The following SIRT5 variants were observed in gnomAD, a reference collection of about 807,000 sequenced individuals.
SIRT5 encodes sirtuin 5.
Under a neutral mutation model 40.0 loss-of-function variants are expected in SIRT5, and 26 were observed. The observed-to-expected ratio is 0.65, with a 90% CI of 0.48 to 0.90. SIRT5 has a LOEUF of 0.90. Among genes scored for constraint, SIRT5 ranks in the 40% least tolerant of loss-of-function variants. SIRT5 has a pLI of 0.00. For synonymous variants in SIRT5, 146 were observed against 149.1 expected (o/e 0.98, Z 0.15); for missense variants, 401 against 402.4 (o/e 1.00, Z 0.03).
chr6:13,575,841 A>T (rs1758556338), intron 1 of SIRT5, among the ~76,000 whole-genome samples: 1 of 152,150 alleles, frequency 6.6e-6, no homozygotes, highest in South Asian at 2.1e-4. Context: ...GGTAACCATC[A>T]TTCTACTCTG....
rs1763255323 is a variant in SIRT5 at position 13,607,398 on chromosome 6, C to T, written c.858-4392C>T. On this transcript the variant is annotated intron_variant, in intron 9 of 9. Coordinates refer to ENST00000606117, the MANE Select transcript of SIRT5 (RefSeq NM_012241.5). The surrounding 1 kb of genome is among the most constrained non-coding windows in gnomAD (Gnocchi z 4.0). ...CTTCCCCCATCTTTTACACCTACAC[C>T]TAATTTAACCAAATTATATTTAGTG... Among the ~76,000 whole-genome samples, 1 of 152,076 alleles carries T rather than the reference C, an allele frequency of 6.6e-6. No individual in the cohort carries two copies. The highest frequency in any genetic ancestry group is 2.4e-5 in the African/African-American group (1 of 41,388).
At chr6:13,595,408 C>T in intron 5 of SIRT5, 69 bp from the exon 6 acceptor site, 1 of 1,189,194 alleles carries the variant, frequency 8.4e-7, no homozygotes, top group Non-Finnish European at 1.3e-6. Context: ...ATCTTATACC[C>T]TTTTAGACAT....
chr6:13,596,874 C>T, intron 6 of SIRT5, 89 bp from the exon 7 acceptor site: 1 of 1,059,542 alleles, frequency 9.4e-7, no homozygotes. Flanking sequence ...CCACATACTG[C>T]CAGGCAAATA....
At chr6:13,576,908 T>C (rs1381085844) in intron 1 of SIRT5, among the ~76,000 whole-genome samples, 1 of 152,236 alleles carries the variant, frequency 6.6e-6, no homozygotes, top group African/African-American at 2.4e-5. Flanking sequence ...AAAGAGACTT[T>C]CCTTTTCCCA....
At position 13,583,419 on chromosome 6, in the gene SIRT5, T is replaced by C. The variant is rs1283187967; in HGVS notation, c.-35-657T>C. Among the ~76,000 whole-genome samples, 4 of 151,164 alleles carry C rather than the reference T, an allele frequency of 2.6e-5. No individual in the cohort carries two copies. The East Asian group carries it at 7.8e-4, about 30-fold the overall frequency. The stretch of plus-strand genomic sequence containing the variant: ...AAGTAGTTCTCCTGCCTCAGTTTCC[T>C]GAGTAGCTGGGATTACAGGCATGCA... On this transcript the variant is annotated intron_variant, in intron 2 of 9. Transcript: ENST00000606117.
chr6:13,602,551 C>T (rs1762537567), intron 9 of SIRT5, among the ~76,000 whole-genome samples: 2 of 150,942 alleles, frequency 1.3e-5, no homozygotes, highest in Middle Eastern at 3.4e-3. Flanking sequence ...GACAGTGTGG[C>T]ACTGGCATAG....
At position 13,612,139 on chromosome 6, in the gene SIRT5, G is replaced by C; in HGVS notation, c.*274G>C. ...GATGTGTATGGTTGGTTATTGGGAG[G>C]GAAAAATTTTGTAAATTAGATTGTC... On this transcript the variant is annotated 3_prime_UTR_variant, in exon 10 of 10. Coordinates refer to ENST00000606117, the MANE Select transcript of SIRT5 (RefSeq NM_012241.5). The C allele has an allele frequency of 3.7e-6, 1 of 267,408 alleles. No homozygotes were observed. Among genetic ancestry groups the C allele is most frequent in the East Asian group, 6.7e-5 (1 of 14,992 alleles). 16.6% of individuals were successfully genotyped at this position (267,408 alleles called of 1,614,324 possible). A position where few individuals can be genotyped will look rare whatever the true frequency, so the allele number is the denominator to read the frequency against.
chr6:13,608,548 T>C (rs1197890292), intron 9 of SIRT5, among the ~76,000 whole-genome samples: 2 of 149,858 alleles, frequency 1.3e-5, no homozygotes, highest in Non-Finnish European at 3.0e-5. Flanking sequence ...ATCGTGCCAC[T>C]GCACTCCGGC....
Position 13,607,465 on chromosome 6 carries a change from A to G in SIRT5, c.858-4325A>G, listed in dbSNP as rs1763262344. On this transcript the variant is annotated intron_variant, in intron 9 of 9. Coordinates refer to ENST00000606117, the MANE Select transcript of SIRT5 (RefSeq NM_012241.5). The surrounding 1 kb of genome is among the most constrained non-coding windows in gnomAD (Gnocchi z 4.0). ...CCAAGCATTCAACTAGTTTTCCTAG[A>G]AATAACTCTCTTAACAGCTCTATTT... Among the ~76,000 whole-genome samples the G allele has an allele frequency of 6.6e-6, 1 of 152,210 alleles. No individual in the cohort carries two copies. The highest frequency in any genetic ancestry group is 2.4e-5 in the African/African-American group (1 of 41,458).
intron 9 of SIRT5, 22 bp from the exon 10 acceptor site, chr6:13,611,768 G>C: frequency 6.3e-7 from 1 of 1,575,114 alleles, no homozygotes; most frequent in Non-Finnish European, 8.7e-7. Flanking sequence ...CAAAACTGCT[G>C]TATTTGCTTC....
chr6:13,592,823 A>C (rs1761098870), intron 5 of SIRT5, among the ~76,000 whole-genome samples: 1 of 152,116 alleles, frequency 6.6e-6, no homozygotes, highest in Non-Finnish European at 1.5e-5. Context: ...GTTTCCCCCA[A>C]GGCCATTTGC....
At chr6:13,603,794 A>C (rs1762732001) in intron 9 of SIRT5, among the ~76,000 whole-genome samples, 1 of 152,264 alleles carries the variant, frequency 6.6e-6, no homozygotes, top group African/African-American at 2.4e-5. Flanking sequence ...GAAACAACCC[A>C]AACGTCCATC....
At chr6:13,589,641 G>C (rs9370232) in intron 4 of SIRT5, 28,842 of 152,322 alleles carry the variant, frequency 0.19, 2,953 homozygotes, top group East Asian at 0.43. Flanking sequence ...CAGATGTTTC[G>C]GTGTTTTGCC....
chr6:13,588,309 A>G, intron 3 of SIRT5, 22 bp from the exon 4 acceptor site: 1 of 1,609,692 alleles, frequency 6.2e-7, no homozygotes, highest in Non-Finnish European at 8.5e-7. Flanking sequence ...CACTGGATTG[A>G]TAAAGATTTC....
intron 9 of SIRT5, among the ~76,000 whole-genome samples, chr6:13,603,676 A>G (rs145368409): frequency 1.3e-4 from 20 of 152,376 alleles, no homozygotes; most frequent in African/African-American, 4.1e-4. Context: ...GGGTTACTAT[A>G]TGATCTAGCA....
At chr6:13,576,341 C>T (rs1562258496) in intron 1 of SIRT5, among the ~76,000 whole-genome samples, 1 of 152,130 alleles carries the variant, frequency 6.6e-6, no homozygotes, top group African/African-American at 2.4e-5. Context: ...TTTATAATAG[C>T]CATTCTAACA....
intron 3 of SIRT5, among the ~76,000 whole-genome samples, chr6:13,588,119 G>A (rs572177998): frequency 6.6e-6 from 1 of 152,290 alleles, no homozygotes; most frequent in South Asian, 2.1e-4. Context: ...GTGCAGAGCC[G>A]GCTGTGTGTG....
In SIRT5 at chr6:13,607,945, A is replaced by C. The variant is rs1763336758; in HGVS notation, c.858-3845A>C. ...ATTTTTTGTATTTTTTTTTTAGTAG[A>C]GACGGGTTTTCACCACATTGCCCAG... On this transcript the variant is annotated intron_variant, in intron 9 of 9. Coordinates refer to ENST00000606117, the MANE Select transcript of SIRT5 (RefSeq NM_012241.5). The surrounding 1 kb of genome is among the most constrained non-coding windows in gnomAD (Gnocchi z 4.0). Among the ~76,000 whole-genome samples the C allele has an allele frequency of 6.6e-6, 1 of 152,006 alleles. No homozygotes were observed. Among genetic ancestry groups the C allele is most frequent in the Non-Finnish European group, 1.5e-5 (1 of 68,010 alleles).
At chr6:13,590,419 A>T (rs751550808) in intron 4 of SIRT5, among the ~76,000 whole-genome samples, 4 of 152,086 alleles carry the variant, frequency 2.6e-5, no homozygotes, top group Admixed American at 1.3e-4. Context: ...TACACTTTTT[A>T]TGTGTAGCTG....
Sources: allele counts gnomAD v4.1 joint callset (sites outside exome capture counted in the v4.1 genomes callset), GRCh38; gene constraint gnomAD v4.1.1; non-coding constraint Gnocchi (gnomAD v3.1); transcripts MANE v1.5; gene names NCBI Gene and HGNC (gene_info 2026-07-23, HGNC 2026-07-21).